Variants in PCBP3 observed in about 807,000 individuals in gnomAD.
PCBP3 encodes poly(rC)-binding protein 3.
Under a neutral mutation model 52.7 loss-of-function variants are expected in PCBP3, and 25 were observed. That is an observed-to-expected ratio of 0.47 (90% CI 0.35 to 0.66). The LOEUF is 0.66. Among genes scored for constraint, PCBP3 ranks in the 30% least tolerant of loss-of-function variants. The pLI, the probability that PCBP3 is intolerant of heterozygous loss-of-function variation, is 0.01. For missense variants in PCBP3, 391 were observed against 490.3 expected (o/e 0.80, Z 1.91); for synonymous variants, 162 against 183.0 (o/e 0.89, Z 0.93).
intron 5 of PCBP3, among the ~76,000 whole-genome samples, chr21:45,874,618 G>A (rs1271303961): frequency 6.6e-6 from 1 of 150,896 alleles, no homozygotes; most frequent in Non-Finnish European, 1.5e-5. Flanking sequence ...CGATTCTCCT[G>A]CTTCAGCCTC....
At position 45,837,156 on chromosome 21, in the gene PCBP3, C is replaced by T. The variant is rs191523869; in HGVS notation, c.-125-12805C>T. 1.4e-4 allele frequency among the ~76,000 whole-genome samples: 22 copies of T among 152,336 alleles called. No homozygotes were observed. Among genetic ancestry groups the T allele is most frequent in the Admixed American group, 2.6e-4 (4 of 15,300 alleles). ...GGTACCAATTCCCATCCCCCAGCAGCGTGTTAGCGCCACGGATGATCTACA... is the reference window on the plus strand; with the variant it reads ...GGTACCAATTCCCATCCCCCAGCAGTGTGTTAGCGCCACGGATGATCTACA... On this transcript the variant is annotated intron_variant, in intron 4 of 17. Coordinates refer to ENST00000681687, the MANE Select transcript of PCBP3 (RefSeq NM_001384156.1). This position sits in a 1 kb window ranked among gnomAD's most constrained non-coding sequence, Gnocchi z 4.1.
Position 45,800,358 on chromosome 21 carries a change from G to T in PCBP3, c.-126+44906G>T, listed in dbSNP as rs149765294. Reference sequence around the variant, plus strand: ...CTGTGCGCCCTGAGCCAGGCCTTCTGTGAAGTGCAGATGATGTCGCCTTTG... The same window carrying T: ...CTGTGCGCCCTGAGCCAGGCCTTCTTTGAAGTGCAGATGATGTCGCCTTTG... On this transcript the variant is annotated intron_variant, in intron 4 of 17. Transcript: ENST00000681687. This position sits in a 1 kb window ranked among gnomAD's most constrained non-coding sequence, Gnocchi z 5.3. 2.0e-5 allele frequency among the ~76,000 whole-genome samples: 3 copies of T among 152,342 alleles called. No homozygotes were observed. The highest frequency in any genetic ancestry group is 2.0e-4 in the Admixed American group (3 of 15,306).
At chr21:45,899,174 A>G (rs2095951810) in intron 6 of PCBP3, among the ~76,000 whole-genome samples, 1 of 152,258 alleles carries the variant, frequency 6.6e-6, no homozygotes, top group African/African-American at 2.4e-5. Context: ...TGCCGTTGGA[A>G]TAGGAGTCAC....
In PCBP3 at chr21:45,917,252, G is replaced by A. The variant is rs183561487; in HGVS notation, c.676-336G>A. 7 of 244,064 alleles carry A rather than the reference G, an allele frequency of 2.9e-5. No homozygotes were observed. Among genetic ancestry groups the A allele is most frequent in the South Asian group, 2.5e-4 (2 of 8,066 alleles). 15.1% of individuals were successfully genotyped at this position (244,064 alleles called of 1,614,324 possible). ...GATGACTGATTAAATTTTCAAAACC[G>A]TAATAATTAGTGGAGACCTCTTACT... On this transcript the variant is annotated intron_variant, in intron 12 of 17. Transcript: ENST00000681687. The surrounding 1 kb of genome is among the most constrained non-coding windows in gnomAD (Gnocchi z 5.3).
chr21:45,805,926 C>G lies in PCBP3; in HGVS notation c.-125-44035C>G, dbSNP rs559235764. 1.3e-5 allele frequency among the ~76,000 whole-genome samples: 2 copies of G among 152,298 alleles called. No individual in the cohort carries two copies. Among genetic ancestry groups the G allele is most frequent in the South Asian group, 4.1e-4 (2 of 4,822 alleles). On this transcript the variant is annotated intron_variant, in intron 4 of 17. Coordinates refer to ENST00000681687, the MANE Select transcript of PCBP3 (RefSeq NM_001384156.1). The surrounding 1 kb of genome is among the most constrained non-coding windows in gnomAD (Gnocchi z 4.6). ...GCGGGCCATGAGGGGAAGTCCAGGCCTCTCCACCCAGGAGTCTGTGAGGTT... is the reference window on the plus strand; with the variant it reads ...GCGGGCCATGAGGGGAAGTCCAGGCGTCTCCACCCAGGAGTCTGTGAGGTT...
chr21:45,671,443 T>C (rs1287771324), intron 2 of PCBP3, among the ~76,000 whole-genome samples: 2 of 152,132 alleles, frequency 1.3e-5, no homozygotes, highest in South Asian at 4.1e-4. Context: ...ACCAAGCCAA[T>C]TGCAATTTTT....
Position 45,827,127 on chromosome 21 carries a change from A to G in PCBP3, c.-125-22834A>G, listed in dbSNP as rs1045714689. Among the ~76,000 whole-genome samples, 2 of 152,200 alleles carry G rather than the reference A, an allele frequency of 1.3e-5. No individual in the cohort carries two copies. Among genetic ancestry groups the G allele is most frequent in the Middle Eastern group, 3.4e-3 (1 of 294 alleles). On this transcript the variant is annotated intron_variant, in intron 4 of 17. Transcript: ENST00000681687. This position sits in a 1 kb window ranked among gnomAD's most constrained non-coding sequence, Gnocchi z 4.3. ...CCGCGTCCCTGGGGACCACACGGGG[A>G]CTGGAGCTCCCTACCTGCTCAGGAT...
intron 13 of PCBP3, among the ~76,000 whole-genome samples, chr21:45,925,341 ACAGGAAACAAGT>A (rs2075258731): frequency 1.3e-5 from 2 of 152,384 alleles, no homozygotes; most frequent in South Asian, 4.1e-4. Context: ...AACCTCTGTG[ACAGGAAACAAGT>A]GAGGGGAAAA....
chr21:45,729,134 T>C (rs2085271529), intron 2 of PCBP3, among the ~76,000 whole-genome samples: 1 of 152,242 alleles, frequency 6.6e-6, no homozygotes. Flanking sequence ...TGGACTTGCC[T>C]GTTCTAGATA....
At chr21:45,879,376 A>G (rs1378797870) in intron 5 of PCBP3, among the ~76,000 whole-genome samples, 2 of 152,250 alleles carry the variant, frequency 1.3e-5, no homozygotes, top group South Asian at 2.1e-4. Flanking sequence ...CTCAATAACA[A>G]TGGAAGTGAC....
chr21:45,725,936 TAGG>T (rs910583344), intron 2 of PCBP3, among the ~76,000 whole-genome samples: 2 of 151,958 alleles, frequency 1.3e-5, no homozygotes, highest in Non-Finnish European at 2.9e-5. Context: ...AGGCCCCCTC[TAGG>T]AGGTCAGGTG....
At chr21:45,893,187 TGA>T (rs2095723090) in intron 5 of PCBP3, among the ~76,000 whole-genome samples, 1 of 150,210 alleles carries the variant, frequency 6.7e-6, no homozygotes, top group South Asian at 2.1e-4. Context: ...GACTAAACTC[TGA>T]GAGAATGGGA....
At chr21:45,891,928 G>A (rs2095673062) in intron 5 of PCBP3, among the ~76,000 whole-genome samples, 1 of 152,218 alleles carries the variant, frequency 6.6e-6, no homozygotes, top group Non-Finnish European at 1.5e-5. Flanking sequence ...AGTGGGAGCA[G>A]CCCCTGAGTC....
chr21:45,743,912 G>A (rs1174489829), intron 3 of PCBP3, among the ~76,000 whole-genome samples: 3 of 151,790 alleles, frequency 2.0e-5, no homozygotes, highest in Non-Finnish European at 4.4e-5. Context: ...ATCAGCCTTC[G>A]ATAGAATTCT....
chr21:45,654,298 A>C (rs1056468620), intron 1 of PCBP3, among the ~76,000 whole-genome samples: 8 of 149,846 alleles, frequency 5.3e-5, no homozygotes, highest in Middle Eastern at 7.0e-3. Flanking sequence ...GGCCCTCTTT[A>C]GAAATTCCTT....
At chr21:45,811,199 C>T (rs2092678901) in intron 4 of PCBP3, among the ~76,000 whole-genome samples, 1 of 152,236 alleles carries the variant, frequency 6.6e-6, no homozygotes, top group South Asian at 2.1e-4. Flanking sequence ...TCCAACATCA[C>T]CACAGACTCC....
At chr21:45,878,263 C>T (rs2095314844) in intron 5 of PCBP3, among the ~76,000 whole-genome samples, 1 of 152,242 alleles carries the variant, frequency 6.6e-6, no homozygotes, top group Non-Finnish European at 1.5e-5. Context: ...CTCCCAGGGC[C>T]ATTTCCCATC....
At chr21:45,828,347 C>T (rs1294063196) in intron 4 of PCBP3, 2 of 152,240 alleles carry the variant, frequency 1.3e-5, no homozygotes, top group Non-Finnish European at 2.9e-5. Context: ...AATGCCCAGA[C>T]TCTTAATACG....
intron 2 of PCBP3, among the ~76,000 whole-genome samples, chr21:45,703,206 ACCT>A (rs1192438686): frequency 6.6e-6 from 1 of 152,018 alleles, no homozygotes; most frequent in Non-Finnish European, 1.5e-5. Flanking sequence ...TGATGTTGTG[ACCT>A]CCTCCCATGA....
Sources: allele counts gnomAD v4.1 joint callset (sites outside exome capture counted in the v4.1 genomes callset), GRCh38; gene constraint gnomAD v4.1.1; non-coding constraint Gnocchi (gnomAD v3.1); transcripts MANE v1.5; gene names NCBI Gene and HGNC (gene_info 2026-07-23, HGNC 2026-07-21).